Variants in LBR observed in about 807,000 individuals in gnomAD.
LBR encodes delta(14)-sterol reductase LBR.
Under a neutral mutation model 74.3 loss-of-function variants are expected in LBR, and 28 were observed. That is an observed-to-expected ratio of 0.38 (90% confidence interval 0.28 to 0.52). The LOEUF is 0.52. Among genes scored for constraint, LBR ranks in the 20% least tolerant of loss-of-function variants. The pLI is 0.89. For missense variants in LBR, 717 were observed against 760.3 expected (o/e 0.94, Z 0.67); for synonymous variants, 228 against 269.3 (o/e 0.85, Z 1.50).
intron 2 of LBR, among the ~76,000 whole-genome samples, chr1:225,423,250 A>G (rs377730522): frequency 1.5e-4 from 23 of 152,336 alleles, no homozygotes; most frequent in African/African-American, 5.5e-4. Context: ...GGCATTTTAT[A>G]TAAATGTTTG....
At chr1:225,415,209 CAA>C (rs1341931301) in intron 7 of LBR, 67 bp downstream of exon 7, 1 of 1,064,144 alleles carries the variant, frequency 9.4e-7, no homozygotes, top group East Asian at 2.5e-5. Context: ...TCAGCTTTAA[CAA>C]AGAGTTTAAC....
chr1:225,410,396 C>T lies in LBR; in HGVS notation c.1209G>A (p.Met403Ile). 1.2e-6 allele frequency: 2 copies of T among 1,614,160 alleles called. No individual in the cohort carries two copies. Among genetic ancestry groups the T allele is most frequent in the Non-Finnish European group, 1.7e-6 (2 of 1,180,034 alleles). Residue 403 changes from methionine to isoleucine, a missense_variant, in exon 10 of 14, where the codon ATG (methionine) becomes ATA (isoleucine). Met to Ile is a conservative substitution (Grantham distance 10). Transcript: ENST00000272163. ...CCTGTATTTTCATTTCAGCCAAAAG[C>T]ATCACCAAGTTAATAACCACCTGAA... ...LIGWVVINLV[M>I]LLAEMKIQDR...
intron 2 of LBR, 59 bp downstream of exon 2, chr1:225,423,852 A>T: frequency 6.7e-7 from 1 of 1,492,458 alleles, no homozygotes; most frequent in Non-Finnish European, 9.3e-7. Flanking sequence ...TAGAAACCAT[A>T]CTTAGAGTTA....
intron 3 of LBR, among the ~76,000 whole-genome samples, chr1:225,420,244 G>A (rs2096125294): frequency 6.6e-6 from 1 of 151,618 alleles, no homozygotes; most frequent in Non-Finnish European, 1.5e-5. Flanking sequence ...CGGAGACGGA[G>A]GTTGCATTGA....
At chr1:225,421,342 A>C (rs960998747) in intron 3 of LBR, among the ~76,000 whole-genome samples, 5 of 152,158 alleles carry the variant, frequency 3.3e-5, no homozygotes, top group Non-Finnish European at 7.3e-5. Context: ...AAATACAAAA[A>C]ATCAGCCAGG....
At chr1:225,405,297 AT>A (rs1278945957) in intron 11 of LBR, among the ~76,000 whole-genome samples, 8 of 152,248 alleles carry the variant, frequency 5.3e-5, no homozygotes, top group African/African-American at 1.9e-4. Flanking sequence ...ACATTTAACT[AT>A]TATATAGTCG....
intron 7 of LBR, chr1:225,414,304 T>G (rs1351339313): frequency 8.3e-6 from 3 of 360,748 alleles, no homozygotes; most frequent in Non-Finnish European, 1.7e-5. Context: ...ACAGAGTAGA[T>G]GCTGCGTAAG....
At chr1:225,415,225 T>G in intron 7 of LBR, 53 bp downstream of exon 7, 1 of 1,184,036 alleles carries the variant, frequency 8.4e-7, no homozygotes, top group Non-Finnish European at 1.2e-6. Context: ...GTTTAACACT[T>G]AGAAGTTTAA....
chr1:225,421,922 C>T (rs185663201), intron 3 of LBR, among the ~76,000 whole-genome samples, 155 bp downstream of exon 3: 29 of 152,336 alleles, frequency 1.9e-4, no homozygotes, highest in Admixed American at 6.5e-4. Context: ...TTAAAACTTT[C>T]TATTCCAAAC....
In LBR at chr1:225,403,227, T is replaced by A. The variant is rs1034273033; in HGVS notation, c.*76A>T. 31 of 1,439,302 alleles carry A rather than the reference T, an allele frequency of 2.2e-5. No individual in the cohort carries two copies. The highest frequency in any genetic ancestry group is 2.0e-5 in the Non-Finnish European group (20 of 1,022,278). The allele number at this position is 1,439,302 out of a possible 1,614,324, so 89.2% of individuals were successfully genotyped here. The stretch of plus-strand genomic sequence containing the variant: ...ACCCTGTCAGTGCAACAAAAGAAAG[T>A]TTCGGATTTTTTTCCTTGTTTTTGC... On this transcript the variant is annotated 3_prime_UTR_variant, in exon 14 of 14. Transcript: ENST00000272163.
In LBR at chr1:225,422,465, T is replaced by G. The variant is rs911379870; in HGVS notation, c.166-188A>C. ...AAATGCTTTCATAATGATCCATCTT[T>G]CATGAGACAAATGCAGCCTTTCCAT... On this transcript the variant is annotated intron_variant, in intron 2 of 13. Transcript: ENST00000272163. The G allele has an allele frequency of 8.1e-6, 5 of 620,852 alleles. No individual in the cohort carries two copies. The African/African-American group carries it at 9.1e-5, about 11-fold the overall frequency. 38.5% of individuals were successfully genotyped at this position (620,852 alleles called of 1,614,324 possible). A position where few individuals can be genotyped will look rare whatever the true frequency, so the allele number is the denominator to read the frequency against.
Position 225,411,428 on chromosome 1 carries a change from T to C in LBR, c.1097A>G (p.Tyr366Cys), listed in dbSNP as rs760213489. ...TAATTCACGGCCAATGAAGAAATCA[T>C]AGACAGCATTTCCTGAGAAAGGAAA... is the stretch of plus-strand genomic sequence containing the variant. ...LSPASSGNAV[Y>C]DFFIGRELNP... The change falls in exon 9 of 14, where the codon TAT (tyrosine) becomes TGT (cysteine). Residue 366 changes from tyrosine to cysteine, a missense_variant. Coordinates refer to ENST00000272163, the MANE Select transcript of LBR (RefSeq NM_002296.4). 46 of 1,612,608 alleles carry C rather than the reference T, an allele frequency of 2.9e-5. No individual in the cohort carries two copies. The highest frequency in any genetic ancestry group is 4.0e-5 in the African/African-American group (3 of 74,914).
intron 7 of LBR, among the ~76,000 whole-genome samples, chr1:225,413,680 A>T (rs952313673): frequency 3.3e-5 from 5 of 152,270 alleles, no homozygotes; most frequent in African/African-American, 1.2e-4. Context: ...ATGGTTAGAT[A>T]AAGCAGTCTT....
At position 225,418,137 on chromosome 1, in the gene LBR, C is replaced by T; in HGVS notation, c.684G>A (p.Leu228=). 6.2e-7 allele frequency: 1 copy of T among 1,614,078 alleles called. No homozygotes were observed. The highest frequency in any genetic ancestry group is 8.5e-7 in the Non-Finnish European group (1 of 1,179,974). The change falls in exon 6 of 14, where the codon CTG becomes CTA. Residue 228 remains leucine (L), a synonymous_variant. Transcript: ENST00000272163. ...IMFGLPVFLF[L]LLLMCKQKDP... is the part of the protein sequence containing the mutation. ...CTTTCTGTTTACACATCAACAGCAA[C>T]AGGAAGAGGAACACAGGCAGGCCAA...
At position 225,403,254 on chromosome 1, in the gene LBR, A is replaced by G; in HGVS notation, c.*49T>C. The stretch of plus-strand genomic sequence containing the variant: ...TCGGATTTTTTTCCTTGTTTTTGCA[A>G]ATGGCAGCTGGAATTGCAGGAGTAT... On this transcript the variant is annotated 3_prime_UTR_variant, in exon 14 of 14. Transcript: ENST00000272163. The G allele has an allele frequency of 1.3e-6, 2 of 1,582,996 alleles. No individual in the cohort carries two copies. The highest frequency in any genetic ancestry group is 4.5e-5 in the East Asian group (2 of 44,730).
intron 6 of LBR, chr1:225,417,462 T>C (rs934433533): frequency 6.5e-6 from 1 of 152,726 alleles, no homozygotes; most frequent in Admixed American, 6.5e-5. Flanking sequence ...ACGTAAAATG[T>C]TCTTGACAAC....
At chr1:225,427,459 A>G (rs1219273854) in intron 1 of LBR, 2 of 152,644 alleles carry the variant, frequency 1.3e-5, no homozygotes, top group African/African-American at 4.8e-5. Flanking sequence ...GCGCGAATCT[A>G]AGCCCACCTC....
chr1:225,406,818 C>T lies in LBR; in HGVS notation c.1329G>A (p.Thr443=), dbSNP rs200550770. ...DALWNEEALL[T]TMDIIHDGFG... is the part of the protein sequence containing the mutation. ...ATCCATCGTGGATGATGTCCATGGT[C>T]GTCAACAACGCTTCCTATAAGGATA... Residue 443 remains threonine (T), a synonymous_variant, in exon 11 of 14, where the codon ACG becomes ACA. Coordinates refer to ENST00000272163, the MANE Select transcript of LBR (RefSeq NM_002296.4). The T allele has an allele frequency of 3.1e-6, 5 of 1,614,106 alleles. No individual in the cohort carries two copies. The highest frequency in any genetic ancestry group is 2.2e-5 in the East Asian group (1 of 44,892).
intron 1 of LBR, among the ~76,000 whole-genome samples, chr1:225,426,352 T>C (rs2096139104): frequency 1.3e-5 from 2 of 152,250 alleles, no homozygotes; most frequent in South Asian, 4.1e-4. Flanking sequence ...TGCACTCACC[T>C]ACAGGAGTCA....
Sources: gnomAD v4.1 joint callset for allele counts (sites outside exome capture counted in the v4.1 genomes callset) on GRCh38, gnomAD v4.1.1 for gene constraint, MANE v1.5 for transcripts, NCBI Gene and HGNC (gene_info 2026-07-23, HGNC 2026-07-21) for gene names.